Variants in ANKRD13A observed in about 807,000 individuals in gnomAD.
ANKRD13A encodes the protein ankyrin repeat domain-containing protein 13A.
A neutral mutation model predicts 81.3 loss-of-function variants in ANKRD13A; 48 were observed. The ratio of observed to expected loss-of-function variants is 0.59; its 90% confidence interval spans 0.47 to 0.75. The LOEUF (loss-of-function observed/expected upper bound fraction) is 0.75. Among genes scored for constraint, ANKRD13A ranks in the 30% least tolerant of loss-of-function variants. The pLI, the probability that ANKRD13A is intolerant of heterozygous loss-of-function variation, is 0.00. For missense variants in ANKRD13A, 612 were observed against 734.0 expected (o/e 0.83, Z 1.92); for synonymous variants, 230 against 270.1 (o/e 0.85, Z 1.45).
chr12:110,014,909 G>A (rs113816710), intron 3 of ANKRD13A, among the ~76,000 whole-genome samples: 8,872 of 151,286 alleles, frequency 0.059, 652 homozygotes, highest in African/African-American at 0.18. Flanking sequence ...TCAGCCTCCC[G>A]AGTAGCTGGG....
rs373926911 is a variant in ANKRD13A, at chr12:110,019,151, A to T, written c.557A>T (p.Glu186Val). ...FIFKGEDNWA[E>V]LMEVNHDDKV... ...TTTCCATTAATAGACAACTGGGCGG[A>T]GTTAATGGAAGTCAACCATGATGAC... The change falls in exon 6 of 15, where the codon GAG becomes GTG. Residue 186 changes from glutamate (E) to valine (V), a missense_variant. By Grantham distance (121) the Glu-to-Val change is moderately radical. Coordinates refer to ENST00000261739, the MANE Select transcript of ANKRD13A (RefSeq NM_033121.2). The T allele has an allele frequency of 6.3e-7, 1 of 1,599,888 alleles. No homozygotes were observed. The highest frequency in any genetic ancestry group is 8.5e-7 in the Non-Finnish European group (1 of 1,172,004).
At chr12:110,011,314 C>A (rs571512738) in intron 1 of ANKRD13A, among the ~76,000 whole-genome samples, 1 of 152,100 alleles carries the variant, frequency 6.6e-6, no homozygotes, top group Non-Finnish European at 1.5e-5. Context: ...AGGTAAGAGC[C>A]AGGTGTGCAT....
chr12:110,012,869 T>A (rs780197864), intron 2 of ANKRD13A, among the ~76,000 whole-genome samples: 2 of 152,130 alleles, frequency 1.3e-5, no homozygotes, highest in Non-Finnish European at 2.9e-5. Flanking sequence ...CTAAACACAT[T>A]ATCAGGATTT....
intron 4 of ANKRD13A, among the ~76,000 whole-genome samples, chr12:110,016,693 A>G (rs913473935): frequency 6.6e-6 from 1 of 151,850 alleles, no homozygotes; most frequent in Admixed American, 6.6e-5. Flanking sequence ...AGACAATTTC[A>G]TTTCCTCCTT....
chr12:110,015,172 G>A (rs1328657021), intron 3 of ANKRD13A, among the ~76,000 whole-genome samples: 6 of 152,076 alleles, frequency 3.9e-5, no homozygotes, highest in African/African-American at 1.4e-4. Context: ...GGGCTGCTGT[G>A]GTAGTTTAAA....
Position 109,999,674 on chromosome 12 carries a change from T to A in ANKRD13A, c.-15T>A. The A allele has an allele frequency of 1.3e-6, 2 of 1,528,800 alleles. No homozygotes were observed. Among genetic ancestry groups the A allele is most frequent in the Non-Finnish European group, 1.8e-6 (2 of 1,137,002 alleles). 94.7% of individuals were successfully genotyped at this position (1,528,800 alleles called of 1,614,324 possible). ...TTGGGGCGGGCGACGAGGACCAGGT[T>A]ACGGCCTCCTCGCCATGTCCTCGGC... On this transcript the variant is annotated 5_prime_UTR_variant, in exon 1 of 15. Transcript: ENST00000261739. This position sits in a 1 kb window ranked among gnomAD's most constrained non-coding sequence, Gnocchi z 4.3.
intron 13 of ANKRD13A, among the ~76,000 whole-genome samples, chr12:110,034,865 GCT>G (rs1347889580): frequency 6.6e-6 from 1 of 152,196 alleles, no homozygotes; most frequent in Non-Finnish European, 1.5e-5. Flanking sequence ...TTTGTGCCAG[GCT>G]CTGTGCCAGG....
intron 12 of ANKRD13A, among the ~76,000 whole-genome samples, chr12:110,033,200 C>T (rs1256369451): frequency 6.6e-6 from 1 of 150,966 alleles, no homozygotes; most frequent in Non-Finnish European, 1.5e-5. Context: ...ACTACAGGTG[C>T]CCGCCACCAC....
At position 110,018,296 on chromosome 12, in the gene ANKRD13A, T is replaced by C. The variant is rs372834055; in HGVS notation, c.401-49T>C. On this transcript the variant is annotated intron_variant, in intron 4 of 14. Transcript: ENST00000261739. This position sits in a 1 kb window ranked among gnomAD's most constrained non-coding sequence, Gnocchi z 4.4. ...GAATCCTGATTTCCTGGCCTAGGTA[T>C]TCTTCTTGGCCCTTGAGTTTTTCTC... 1.7e-5 allele frequency: 27 copies of C among 1,576,460 alleles called. No homozygotes were observed. The African/African-American group carries it at 2.9e-4, about 17-fold the overall frequency.
chr12:110,005,901 C>T (rs1168072011), intron 1 of ANKRD13A, among the ~76,000 whole-genome samples: 1 of 152,096 alleles, frequency 6.6e-6, no homozygotes, highest in African/African-American at 2.4e-5. Context: ...TCTGCAACCT[C>T]TGCCTCCTGG....
At chr12:110,002,935 G>A (rs1890057029) in intron 1 of ANKRD13A, among the ~76,000 whole-genome samples, 1 of 152,168 alleles carries the variant, frequency 6.6e-6, no homozygotes, top group Non-Finnish European at 1.5e-5. Context: ...CCAACTACCA[G>A]ATTGTTTCAG....
chr12:110,009,476 T>A (rs887851815), intron 1 of ANKRD13A, among the ~76,000 whole-genome samples: 7 of 152,248 alleles, frequency 4.6e-5, no homozygotes, highest in African/African-American at 1.7e-4. Flanking sequence ...CTCTCTTTTT[T>A]CCCTGGTCTA....
chr12:110,023,444 C>T (rs963484952), intron 6 of ANKRD13A, among the ~76,000 whole-genome samples: 3 of 152,192 alleles, frequency 2.0e-5, no homozygotes, highest in Non-Finnish European at 4.4e-5. Flanking sequence ...CTGTTTTTCA[C>T]ATCCTTTGCC....
Position 110,036,445 on chromosome 12 carries a change from G to T in ANKRD13A, c.1577+117G>T. The T allele has an allele frequency of 8.9e-7, 1 of 1,118,266 alleles. No individual in the cohort carries two copies. Among genetic ancestry groups the T allele is most frequent in the Non-Finnish European group, 1.4e-6 (1 of 736,724 alleles). The allele number at this position is 1,118,266 out of a possible 1,614,324, so 69.3% of individuals were successfully genotyped here. On this transcript the variant is annotated intron_variant, in intron 14 of 14. Coordinates refer to ENST00000261739, the MANE Select transcript of ANKRD13A (RefSeq NM_033121.2). The surrounding 1 kb of genome is among the most constrained non-coding windows in gnomAD (Gnocchi z 4.6). ...AGGCAGATGTACGGTGCCACAAACT[G>T]GCAGGAAAGACTAGAAAAAGTAGGC... is the stretch of plus-strand genomic sequence containing the variant.
intron 1 of ANKRD13A, among the ~76,000 whole-genome samples, chr12:110,011,261 C>CCAAA (rs1890506804): frequency 6.6e-6 from 1 of 152,136 alleles, no homozygotes; most frequent in African/African-American, 2.4e-5. Flanking sequence ...ACACGCGGTG[C>CCAAA]AGGTGCCAAA....
At chr12:110,010,936 T>A (rs1890486685) in intron 1 of ANKRD13A, among the ~76,000 whole-genome samples, 1 of 152,134 alleles carries the variant, frequency 6.6e-6, no homozygotes, top group African/African-American at 2.4e-5. Flanking sequence ...AGATGTATTA[T>A]GGCATTTAAA....
intron 2 of ANKRD13A, 36 bp downstream of exon 2, chr12:110,012,173 G>T: frequency 1.3e-6 from 2 of 1,569,064 alleles, no homozygotes; most frequent in South Asian, 2.3e-5. Flanking sequence ...AAGTCCGTCT[G>T]AGCACCATGG....
At chr12:110,010,639 G>A (rs1185350717) in intron 1 of ANKRD13A, among the ~76,000 whole-genome samples, 2 of 152,178 alleles carry the variant, frequency 1.3e-5, no homozygotes, top group Non-Finnish European at 2.9e-5. Context: ...TTTTAGCACC[G>A]GGGGAACACT....
rs761398140 is a variant in ANKRD13A, at chr12:110,014,789, C to CTTTTTTTTTTTTTTTT, written c.354+1552_354+1553insTTTTTTTTTTTTTTTT. On this transcript the variant is annotated intron_variant, in intron 3 of 14. Coordinates refer to ENST00000261739, the MANE Select transcript of ANKRD13A (RefSeq NM_033121.2). ...ACCTGGAATTTCTAGCATTTCTCTT[C>CTTTTTTTTTTTTTTTT]TTTTTTTTTTTTGAGACGGAATCTC... Among the ~76,000 whole-genome samples the CTTTTTTTTTTTTTTTT allele has an allele frequency of 1.7e-3, 225 of 135,644 alleles. 8 individuals are homozygous for CTTTTTTTTTTTTTTTT. The highest frequency in any genetic ancestry group is 4.7e-3 in the African/African-American group (151 of 32,382). The allele number at this position is 135,644 out of a possible 152,430, so 89.0% of individuals were successfully genotyped here.
Sources: gnomAD v4.1 joint callset for allele counts (sites outside exome capture counted in the v4.1 genomes callset) on GRCh38, gnomAD v4.1.1 for gene constraint, Gnocchi (gnomAD v3.1) non-coding constraint, MANE v1.5 for transcripts, NCBI Gene and HGNC (gene_info 2026-07-23, HGNC 2026-07-21) for gene names.